GABRB3: variants seen among roughly 807,000 people sequenced by gnomAD.
The protein encoded by GABRB3 is gamma-aminobutyric acid type A receptor subunit beta3, also known as gamma-aminobutyric acid receptor subunit beta-3.
In GABRB3, 14 loss-of-function variants were observed where a neutral mutation model predicts 52.1. The ratio of observed to expected loss-of-function variants is 0.27; its 90% CI spans 0.18 to 0.42. GABRB3 has a LOEUF of 0.42. GABRB3 is among the 10% of genes least tolerant of loss of function. The probability of loss-of-function intolerance (pLI) is 1.00; values close to 1 mark genes in which losing one functional copy is unlikely to be tolerated. For missense variants in GABRB3, 307 were observed against 609.1 expected, an observed-to-expected ratio of 0.50 and a Z score of 5.22; for synonymous variants, 260 against 232.3, an observed-to-expected ratio of 1.12 and a Z score of -1.08.
intron 3 of GABRB3, among the ~76,000 whole-genome samples, chr15:26,759,671 T>G (rs1020140004): frequency 5.9e-5 from 9 of 152,252 alleles, no homozygotes; most frequent in African/African-American, 2.2e-4. Flanking sequence ...CAGACGATAC[T>G]GACCACACCC....
intron 4 of GABRB3, chr15:26,615,487 A>G (rs964334708): frequency 2.0e-5 from 19 of 971,314 alleles, no homozygotes; most frequent in Non-Finnish European, 2.2e-5. Context: ...GAGTCATGGG[A>G]AAAATGGCTC....
chr15:26,652,186 A>AAGAAATCTCT (rs1887218296), intron 3 of GABRB3, among the ~76,000 whole-genome samples: 1 of 152,222 alleles, frequency 6.6e-6, no homozygotes, highest in Non-Finnish European at 1.5e-5. Flanking sequence ...ACTGTCAACT[A>AAGAAATCTCT]AGAAATCTCT....
rs757782804 is a variant in GABRB3, at chr15:26,674,656, G to C, written c.241-53122C>G. On this transcript the variant is annotated intron_variant, in intron 3 of 8. Coordinates refer to ENST00000311550, the MANE Select transcript of GABRB3 (RefSeq NM_000814.6). ...GATCTATGAGGAAAAACAGAGCCAT[G>C]AGAAGGGGCAGGCAGGGATGCCACA... Among the ~76,000 whole-genome samples, 3 of 152,158 alleles carry C rather than the reference G, an allele frequency of 2.0e-5. No homozygotes were observed. The East Asian group carries it at 5.8e-4, about 29-fold the overall frequency.
At chr15:26,684,661 C>T (rs867513574) in intron 3 of GABRB3, among the ~76,000 whole-genome samples, 1 of 151,990 alleles carries the variant, frequency 6.6e-6, no homozygotes, top group African/African-American at 2.4e-5. Context: ...GGCCTATTTC[C>T]GATAGTGCTA....
intron 3 of GABRB3, among the ~76,000 whole-genome samples, chr15:26,721,179 A>G (rs983642715): frequency 1.3e-5 from 2 of 152,180 alleles, no homozygotes; most frequent in African/African-American, 4.8e-5. Context: ...AACCTCCTGT[A>G]GGAGTCCAGA....
chr15:26,641,438 T>C (rs1438259373), intron 3 of GABRB3, among the ~76,000 whole-genome samples: 3 of 152,156 alleles, frequency 2.0e-5, no homozygotes, highest in Non-Finnish European at 1.5e-5. Flanking sequence ...GAGAGGAAAG[T>C]GAATTGACTG....
At chr15:26,773,758 C>G (rs1380248569), upstream of GABRB3, 1 of 1,540,176 alleles carries the variant, frequency 6.5e-7, no homozygotes, top group Non-Finnish European at 8.8e-7. Flanking sequence ...TGCTGGGATC[C>G]GCTCTCCCCC....
chr15:26,627,959 G>A (rs1414248317), intron 3 of GABRB3, among the ~76,000 whole-genome samples: 1 of 152,140 alleles, frequency 6.6e-6, no homozygotes, highest in Non-Finnish European at 1.5e-5. Context: ...TTTCATTGTT[G>A]TCTTAAACTG....
At position 26,577,900 on chromosome 15, in the gene GABRB3, C is replaced by T. The variant is rs112028808; in HGVS notation, c.682+2419G>A. ...CTCCTGGGTTCAAGCGATCCTCCCA[C>T]TTCAGCCTCCTGAATAGCTGGGACC... On this transcript the variant is annotated intron_variant, in intron 6 of 8. Transcript: ENST00000311550. 5.8e-4 allele frequency among the ~76,000 whole-genome samples: 88 copies of T among 152,336 alleles called. 1 individual carries two copies. The highest frequency in any genetic ancestry group is 2.0e-3 in the African/African-American group (82 of 41,580).
At chr15:26,659,228 T>C (rs1189318509) in intron 3 of GABRB3, among the ~76,000 whole-genome samples, 5 of 152,186 alleles carry the variant, frequency 3.3e-5, no homozygotes, top group Non-Finnish European at 4.4e-5. Flanking sequence ...ATAATTTATC[T>C]AAAACAAGTT....
At chr15:26,620,517 T>C (rs1892443438) in intron 4 of GABRB3, among the ~76,000 whole-genome samples, 1 of 152,192 alleles carries the variant, frequency 6.6e-6, no homozygotes, top group African/African-American at 2.4e-5. Context: ...GAGCCACTGC[T>C]AGAGGGTCTC....
chr15:26,571,987 A>G (rs968521585), intron 6 of GABRB3, among the ~76,000 whole-genome samples: 5 of 147,738 alleles, frequency 3.4e-5, no homozygotes, highest in Admixed American at 1.4e-4. Flanking sequence ...CGGAGGTTGC[A>G]GTGAGCCGAA....
chr15:26,763,042 C>A (rs776563288), intron 3 of GABRB3, among the ~76,000 whole-genome samples: 45 of 152,306 alleles, frequency 3.0e-4, no homozygotes, highest in Non-Finnish European at 6.5e-4. Flanking sequence ...CAGGTATCCC[C>A]GCCCCCTTTC....
chr15:26,572,065 A>G (rs1890424681), intron 6 of GABRB3, among the ~76,000 whole-genome samples: 1 of 152,000 alleles, frequency 6.6e-6, no homozygotes, highest in Non-Finnish European at 1.5e-5. Flanking sequence ...AAAAAAAAAA[A>G]AAAGGAAAAT....
At chr15:26,590,238 T>C (rs1465149419) in intron 4 of GABRB3, 1 of 152,104 alleles carries the variant, frequency 6.6e-6, no homozygotes, top group Non-Finnish European at 1.5e-5. Context: ...GTCCTGGATC[T>C]CTGATCACAA....
chr15:26,765,598 A>C (rs1890975376), intron 3 of GABRB3, among the ~76,000 whole-genome samples: 1 of 152,186 alleles, frequency 6.6e-6, no homozygotes. Context: ...CTTCATTCAT[A>C]TATTCCTTTC....
At chr15:26,657,288 C>T (rs528973869) in intron 3 of GABRB3, 1 of 152,336 alleles carries the variant, frequency 6.6e-6, no homozygotes, top group East Asian at 1.9e-4. Flanking sequence ...AGTGGCTTCT[C>T]GTCACCAGTT....
At chr15:26,643,705 T>G (rs1162349257) in intron 3 of GABRB3, among the ~76,000 whole-genome samples, 1 of 152,056 alleles carries the variant, frequency 6.6e-6, no homozygotes, top group Non-Finnish European at 1.5e-5. Context: ...CAGTCTGACC[T>G]CCAAAGTGCA....
chr15:26,674,955 A>C (rs185127653), intron 3 of GABRB3, among the ~76,000 whole-genome samples: 1 of 152,306 alleles, frequency 6.6e-6, no homozygotes, highest in Non-Finnish European at 1.5e-5. Flanking sequence ...AATAAAACCA[A>C]GTTACCACAA....
Sources: gnomAD v4.1 joint callset for allele counts (sites outside exome capture counted in the v4.1 genomes callset) on GRCh38, gnomAD v4.1.1 for gene constraint, MANE v1.5 for transcripts, NCBI Gene and HGNC (gene_info 2026-07-23, HGNC 2026-07-21) for gene names.